Variants in ASAP2 observed in about 807,000 individuals in gnomAD.
ASAP2 encodes ArfGAP with SH3 domain, ankyrin repeat and PH domain 2.
ASAP2 carries 45 observed loss-of-function variants against 131.4 expected under a neutral mutation model. That is an observed-to-expected ratio of 0.34 (90% CI 0.27 to 0.44). ASAP2 has a LOEUF of 0.44. Among genes scored for constraint, ASAP2 ranks in the 20% least tolerant of loss-of-function variants. The pLI is 1.00. For synonymous variants in ASAP2, 510 were observed against 503.0 expected (o/e 1.01, Z -0.19); for missense variants, 1,011 against 1,297.0 (o/e 0.78, Z 3.39).
At chr2:9,310,224 C>T (rs1428612633) in intron 3 of ASAP2, among the ~76,000 whole-genome samples, 1 of 152,198 alleles carries the variant, frequency 6.6e-6, no homozygotes, top group Non-Finnish European at 1.5e-5. Flanking sequence ...TAAAATCTCC[C>T]CACATTTCAA....
At chr2:9,288,128 C>T (rs1338659569) in intron 2 of ASAP2, among the ~76,000 whole-genome samples, 1 of 152,048 alleles carries the variant, frequency 6.6e-6, no homozygotes, top group East Asian at 1.9e-4. Flanking sequence ...GAAAAGGTAC[C>T]TTTACATAAT....
intron 22 of ASAP2, among the ~76,000 whole-genome samples, chr2:9,390,430 G>A (rs1304800233): frequency 6.6e-6 from 1 of 152,210 alleles, no homozygotes; most frequent in Non-Finnish European, 1.5e-5. Flanking sequence ...CTAGCACCTG[G>A]GCCCTGTGCA....
intron 18 of ASAP2, among the ~76,000 whole-genome samples, chr2:9,378,084 C>T (rs1448587065): frequency 6.6e-6 from 1 of 152,158 alleles, no homozygotes; most frequent in Admixed American, 6.5e-5. Context: ...AAATGAAACA[C>T]ACCCCCCGCT....
intron 1 of ASAP2, among the ~76,000 whole-genome samples, chr2:9,235,850 A>G (rs1351806040): frequency 6.6e-6 from 1 of 152,142 alleles, no homozygotes; most frequent in African/African-American, 2.4e-5. Context: ...ATGCCTTCCC[A>G]TGAATGGCAA....
At chr2:9,240,085 T>G (rs1338586883) in intron 1 of ASAP2, among the ~76,000 whole-genome samples, 1 of 152,036 alleles carries the variant, frequency 6.6e-6, no homozygotes, top group Non-Finnish European at 1.5e-5. Flanking sequence ...AGATAAGATT[T>G]TCACAGTTGA....
intron 2 of ASAP2, among the ~76,000 whole-genome samples, chr2:9,279,696 T>C (rs1667002413): frequency 6.6e-6 from 1 of 152,180 alleles, no homozygotes; most frequent in Admixed American, 6.6e-5. Context: ...GCCTGGCTGA[T>C]GGGGGCCTGG....
chr2:9,393,678 G>A (rs537690720), intron 24 of ASAP2, 31 bp downstream of exon 24: 18 of 1,542,280 alleles, frequency 1.2e-5, no homozygotes, highest in South Asian at 1.1e-4. Flanking sequence ...TCGGCCATCC[G>A]TGCTCCTGCC....
At chr2:9,227,397 G>A (rs1029868136) in intron 1 of ASAP2, among the ~76,000 whole-genome samples, 2 of 152,130 alleles carry the variant, frequency 1.3e-5, no homozygotes, top group African/African-American at 2.4e-5. Context: ...TTTACACGGT[G>A]GACTTGTTTC....
intron 27 of ASAP2, 112 bp downstream of exon 27, chr2:9,401,508 G>GTAGT: frequency 7.3e-7 from 1 of 1,368,576 alleles, no homozygotes; most frequent in South Asian, 1.5e-5. Context: ...CAGTCCAGAT[G>GTAGT]TAGTTCCTGG....
intron 9 of ASAP2, among the ~76,000 whole-genome samples, chr2:9,340,599 G>T (rs1029836867): frequency 2.6e-5 from 4 of 152,186 alleles, no homozygotes; most frequent in Admixed American, 6.5e-5. Context: ...CAGAAGATGG[G>T]GGAATGAATT....
intron 3 of ASAP2, among the ~76,000 whole-genome samples, chr2:9,314,062 C>CA (rs1669487863): frequency 6.6e-6 from 1 of 152,188 alleles, no homozygotes; most frequent in African/African-American, 2.4e-5. Context: ...TGGCTCACTG[C>CA]AACCTCCGCC....
intron 24 of ASAP2, among the ~76,000 whole-genome samples, chr2:9,395,988 C>T (rs1676117523): frequency 6.6e-6 from 1 of 151,974 alleles, no homozygotes; most frequent in African/African-American, 2.4e-5. Context: ...TTCCCAATAG[C>T]CGCACCTGGT....
At chr2:9,314,887 C>T (rs569849339) in intron 3 of ASAP2, among the ~76,000 whole-genome samples, 23 of 145,620 alleles carry the variant, frequency 1.6e-4, no homozygotes, top group African/African-American at 4.7e-4. Flanking sequence ...GCCGAGATCA[C>T]GCCACTGCAC....
At chr2:9,343,547 A>G (rs1458440334) in intron 9 of ASAP2, among the ~76,000 whole-genome samples, 3 of 152,150 alleles carry the variant, frequency 2.0e-5, no homozygotes, top group Non-Finnish European at 2.9e-5. Flanking sequence ...CCCAGGCTCA[A>G]GCAGTCCTCC....
rs867460679 is a variant in ASAP2 at position 9,281,046 on chromosome 2, G to A, written c.199+1657G>A. On this transcript the variant is annotated intron_variant, in intron 2 of 27. Transcript: ENST00000281419. This position sits in a 1 kb window ranked among gnomAD's most constrained non-coding sequence, Gnocchi z 4.0. ...CATGCCTTCAGTGTGTCTGTCACACGGGTGACATCTTGAAGACTTCAGTGA... is the reference window on the plus strand; with the variant it reads ...CATGCCTTCAGTGTGTCTGTCACACAGGTGACATCTTGAAGACTTCAGTGA... 2.6e-5 allele frequency among the ~76,000 whole-genome samples: 4 copies of A among 152,156 alleles called. No homozygotes were observed. Among genetic ancestry groups the A allele is most frequent in the Non-Finnish European group, 2.9e-5 (2 of 68,048 alleles).
chr2:9,293,064 T>C (rs1667918137), intron 2 of ASAP2, among the ~76,000 whole-genome samples: 1 of 152,202 alleles, frequency 6.6e-6, no homozygotes, highest in Admixed American at 6.5e-5. Flanking sequence ...CTGAAACAAT[T>C]TGCACTGGGC....
At chr2:9,335,677 T>C (rs1208421977) in intron 9 of ASAP2, among the ~76,000 whole-genome samples, 2 of 152,370 alleles carry the variant, frequency 1.3e-5, no homozygotes, top group Non-Finnish European at 2.9e-5. Context: ...TCCTTAGTTC[T>C]CTTACTTCCC....
At chr2:9,393,335 G>A (rs1041798076) in intron 23 of ASAP2, 147 bp from the exon 24 acceptor site, 19 of 738,326 alleles carry the variant, frequency 2.6e-5, no homozygotes, top group Non-Finnish European at 3.9e-5. Context: ...ATGGTTTTCT[G>A]AAAACTGGCA....
chr2:9,304,878 A>G (rs985326680), intron 3 of ASAP2, among the ~76,000 whole-genome samples: 5 of 142,438 alleles, frequency 3.5e-5, no homozygotes, highest in Non-Finnish European at 7.6e-5. Flanking sequence ...GGGTATAGAT[A>G]TTGGTGGACA....
Sources: gnomAD v4.1 joint callset for allele counts (sites outside exome capture counted in the v4.1 genomes callset) on GRCh38, gnomAD v4.1.1 for gene constraint, Gnocchi (gnomAD v3.1) non-coding constraint, MANE v1.5 for transcripts, NCBI Gene and HGNC (gene_info 2026-07-23, HGNC 2026-07-21) for gene names.